SUGCT: variants seen among roughly 807,000 people sequenced by gnomAD.
SUGCT encodes the protein succinyl-CoA:glutarate-CoA transferase, also known as succinyl-CoA:glutarate CoA-transferase.
SUGCT carries 41 observed loss-of-function variants against 55.0 expected under a neutral mutation model. That is an observed-to-expected ratio of 0.74 (90% CI 0.58 to 0.97). SUGCT has a LOEUF of 0.97. SUGCT is among the 50% of genes least tolerant of loss of function. SUGCT has a pLI of 0.00. For synonymous variants in SUGCT, 187 were observed against 200.4 expected, an observed-to-expected ratio of 0.93 and a Z score of 0.56; for missense variants, 568 against 547.8, an observed-to-expected ratio of 1.04 and a Z score of -0.37.
At chr7:40,355,099 A>T (rs1250695592) in intron 9 of SUGCT, among the ~76,000 whole-genome samples, 1 of 152,184 alleles carries the variant, frequency 6.6e-6, no homozygotes, top group Non-Finnish European at 1.5e-5. Context: ...TGAACTGGGA[A>T]GGACTCTAAT....
intron 13 of SUGCT, among the ~76,000 whole-genome samples, chr7:40,763,852 T>C (rs957465335): frequency 1.3e-5 from 2 of 152,172 alleles, no homozygotes; most frequent in Non-Finnish European, 2.9e-5. Context: ...TCCTCCTTTC[T>C]GAGCACTTCA....
chr7:40,349,280 T>C (rs1456658648), intron 9 of SUGCT, among the ~76,000 whole-genome samples: 1 of 152,190 alleles, frequency 6.6e-6, no homozygotes, highest in Admixed American at 6.5e-5. Context: ...AGGGGAACTA[T>C]GTCTCTTGAT....
chr7:40,445,514 C>T (rs1788776763), intron 9 of SUGCT, among the ~76,000 whole-genome samples: 1 of 152,092 alleles, frequency 6.6e-6, no homozygotes, highest in Non-Finnish European at 1.5e-5. Flanking sequence ...TAATAGTCTA[C>T]CAACCAAAAA....
intron 13 of SUGCT, among the ~76,000 whole-genome samples, chr7:40,789,960 A>G (rs1790224752): frequency 6.6e-6 from 1 of 152,218 alleles, no homozygotes; most frequent in Non-Finnish European, 1.5e-5. Context: ...ATTCAAGGCC[A>G]GAAGTGGCTG....
chr7:40,684,191 C>A, intron 12 of SUGCT: 1 of 1,518,886 alleles, frequency 6.6e-7, no homozygotes, highest in Admixed American at 2.2e-5. Flanking sequence ...AAGGATAATC[C>A]AGGATAATTT....
At chr7:40,164,314 G>C (rs773467185) in intron 1 of SUGCT, among the ~76,000 whole-genome samples, 12 of 152,092 alleles carry the variant, frequency 7.9e-5, no homozygotes, top group Non-Finnish European at 1.5e-4. Context: ...ATTTTTAGTA[G>C]AGATGAGGTT....
At chr7:40,936,492 G>A in the SUGCT span, among the ~76,000 whole-genome samples, 1 of 151,262 alleles carries the variant, frequency 6.6e-6, no homozygotes, top group African/African-American at 2.4e-5. Flanking sequence ...TTTTATTCTT[G>A]GTCAGGTCTG....
chr7:40,617,125 C>G (rs1799040085), intron 12 of SUGCT, among the ~76,000 whole-genome samples: 1 of 151,790 alleles, frequency 6.6e-6, no homozygotes, highest in Admixed American at 6.6e-5. Context: ...AGACATTTGC[C>G]TCTATTTCCC....
At chr7:41,009,036 T>TG in the SUGCT span, among the ~76,000 whole-genome samples, 1 of 152,028 alleles carries the variant, frequency 6.6e-6, no homozygotes, top group Non-Finnish European at 1.5e-5. Context: ...TGACTTATTT[T>TG]GGGGAAAATG....
chr7:40,737,788 G>C (rs1017814966), intron 12 of SUGCT, among the ~76,000 whole-genome samples: 7 of 152,304 alleles, frequency 4.6e-5, no homozygotes, highest in African/African-American at 1.4e-4. Flanking sequence ...GCCAGGGGTG[G>C]TGGCGGGCGC....
At chr7:40,684,714 C>A (rs927947749) in intron 12 of SUGCT, among the ~76,000 whole-genome samples, 2 of 152,300 alleles carry the variant, frequency 1.3e-5, no homozygotes, top group Non-Finnish European at 2.9e-5. Flanking sequence ...TTCTCTCTCT[C>A]CCTTCCCAAT....
intron 12 of SUGCT, among the ~76,000 whole-genome samples, chr7:40,690,394 C>T (rs991843031): frequency 4.6e-5 from 7 of 152,216 alleles, no homozygotes; most frequent in Middle Eastern, 3.4e-3. Context: ...TATTATCTTT[C>T]GTAAGCACTT....
intron 13 of SUGCT, among the ~76,000 whole-genome samples, chr7:40,824,434 C>T (rs973733832): frequency 6.7e-6 from 1 of 150,190 alleles, no homozygotes; most frequent in Admixed American, 6.6e-5. Context: ...AGCACTTGTG[C>T]AGATAAAGGA....
intron 12 of SUGCT, among the ~76,000 whole-genome samples, chr7:40,570,453 A>G (rs1796381500): frequency 6.6e-6 from 1 of 152,186 alleles, no homozygotes. Flanking sequence ...GCAGAACTGA[A>G]GAACAGCGTG....
the SUGCT span, among the ~76,000 whole-genome samples, chr7:40,956,930 G>C: frequency 1.3e-5 from 2 of 152,020 alleles, no homozygotes; most frequent in African/African-American, 2.4e-5. Flanking sequence ...GTGTGGTTTC[G>C]AGTGAGTTTC....
intron 5 of SUGCT, 50 bp from the exon 6 acceptor site, chr7:40,194,890 G>T (rs755915018): frequency 3.8e-6 from 6 of 1,576,572 alleles, no homozygotes; most frequent in Non-Finnish European, 5.2e-6. Context: ...ATTCTATCAT[G>T]TGGGGATTTG....
chr7:40,658,715 G>T (rs1454467642), intron 12 of SUGCT, among the ~76,000 whole-genome samples: 1 of 152,162 alleles, frequency 6.6e-6, no homozygotes, highest in Non-Finnish European at 1.5e-5. Flanking sequence ...CCCCTTTGTT[G>T]TGAGTACTTT....
At chr7:40,649,682 G>GGGA in intron 12 of SUGCT, among the ~76,000 whole-genome samples, 1 of 152,244 alleles carries the variant, frequency 6.6e-6, no homozygotes, top group East Asian at 1.9e-4. Context: ...AGACATAATG[G>GGGA]TATTAATATG....
intron 11 of SUGCT, among the ~76,000 whole-genome samples, chr7:40,494,816 A>G (rs895110152): frequency 1.7e-4 from 26 of 152,182 alleles, no homozygotes; most frequent in Admixed American, 2.6e-4. Context: ...ACATACATTT[A>G]TTCCATTTTT....
Sources: allele counts gnomAD v4.1 joint callset (sites outside exome capture counted in the v4.1 genomes callset), GRCh38; gene constraint gnomAD v4.1.1; transcripts MANE v1.5; gene names NCBI Gene and HGNC (gene_info 2026-07-23, HGNC 2026-07-21).